The following SLC14A2 variants were observed in gnomAD, a reference collection of about 807,000 sequenced individuals.
SLC14A2 encodes the protein urea transporter 2.
Under a neutral mutation model 104.6 loss-of-function variants are expected in SLC14A2, and 91 were observed. That is an observed-to-expected ratio of 0.87 (90% CI 0.73 to 1.04). SLC14A2 has a LOEUF of 1.04. Ranked by LOEUF, SLC14A2 falls within the 50% of genes least tolerant of loss-of-function variation. The probability of loss-of-function intolerance (pLI) is 0.00; values close to 1 mark genes in which losing one functional copy is unlikely to be tolerated. For missense variants in SLC14A2, 1,189 were observed against 1,156.0 expected (o/e 1.03, Z -0.41); for synonymous variants, 476 against 466.4 (o/e 1.02, Z -0.27).
intron 1 of SLC14A2, among the ~76,000 whole-genome samples, chr18:45,391,584 C>T (rs2085966230): frequency 1.3e-5 from 2 of 152,106 alleles, no homozygotes; most frequent in South Asian, 2.1e-4. Flanking sequence ...CTCTCCAGCA[C>T]CTGTTGTTTC....
At chr18:45,591,019 T>G (rs2044639309) in intron 2 of SLC14A2, among the ~76,000 whole-genome samples, 1 of 152,072 alleles carries the variant, frequency 6.6e-6, no homozygotes. Flanking sequence ...GTCTGAACTC[T>G]CAAATTGCCA....
chr18:45,183,963 A>G, the SLC14A2 span, among the ~76,000 whole-genome samples: 1 of 107,362 alleles, frequency 9.3e-6, no homozygotes, highest in Non-Finnish European at 1.7e-5. Flanking sequence ...TATGTTGCCC[A>G]GGCTAGTCTC....
At chr18:45,603,504 C>T (rs1226620291) in intron 2 of SLC14A2, among the ~76,000 whole-genome samples, 2 of 152,104 alleles carry the variant, frequency 1.3e-5, no homozygotes, top group Middle Eastern at 3.2e-3. Flanking sequence ...TACCCAAGAC[C>T]AGAGAGTTAT....
Position 45,682,769 on chromosome 18 carries a change from G to A in SLC14A2, c.*250G>A, listed in dbSNP as rs2046330672. 1.8e-5 allele frequency: 8 copies of A among 440,070 alleles called. No individual in the cohort carries two copies. Among genetic ancestry groups the A allele is most frequent in the Non-Finnish European group, 3.4e-5 (8 of 236,600 alleles). 27.3% of individuals were successfully genotyped at this position (440,070 alleles called of 1,614,324 possible). On this transcript the variant is annotated 3_prime_UTR_variant, in exon 20 of 20. Coordinates refer to ENST00000255226, the MANE Select transcript of SLC14A2 (RefSeq NM_007163.4). Reference sequence around the variant, plus strand: ...TAAGAGCTCCCTTTGTGGGGAACTTGCCCTCTTCTGCGAAATAAGCCTCAT... The same window carrying A: ...TAAGAGCTCCCTTTGTGGGGAACTTACCCTCTTCTGCGAAATAAGCCTCAT...
At chr18:45,352,372 G>A (rs1598710601) in intron 1 of SLC14A2, among the ~76,000 whole-genome samples, 1 of 152,076 alleles carries the variant, frequency 6.6e-6, no homozygotes, top group Non-Finnish European at 1.5e-5. Flanking sequence ...AGGTAGAGAC[G>A]AATTGTTCAT....
At chr18:45,320,314 C>A (rs1327443595) in intron 1 of SLC14A2, among the ~76,000 whole-genome samples, 3 of 151,938 alleles carry the variant, frequency 2.0e-5, no homozygotes, top group East Asian at 3.9e-4. Context: ...AGCTTTGTAC[C>A]CTTTGACCCC....
At chr18:45,288,089 T>C (rs2084833224) in intron 1 of SLC14A2, among the ~76,000 whole-genome samples, 1 of 152,226 alleles carries the variant, frequency 6.6e-6, no homozygotes, top group South Asian at 2.1e-4. Context: ...GAAATATTTA[T>C]TTCATAGGGT....
chr18:45,666,783 C>T, intron 12 of SLC14A2, 152 bp from the exon 13 acceptor site: 1 of 624,116 alleles, frequency 1.6e-6, no homozygotes, highest in Non-Finnish European at 2.8e-6. Flanking sequence ...AAACAAAAGA[C>T]AGTCTAATCT....
intron 10 of SLC14A2, among the ~76,000 whole-genome samples, chr18:45,659,629 T>G: frequency 6.6e-6 from 1 of 152,200 alleles, no homozygotes; most frequent in East Asian, 1.9e-4. Flanking sequence ...TTTATCCAAG[T>G]AACACTAGAA....
intron 1 of SLC14A2, among the ~76,000 whole-genome samples, chr18:45,304,702 G>A (rs760010325): frequency 3.9e-5 from 6 of 152,164 alleles, no homozygotes; most frequent in Non-Finnish European, 7.4e-5. Context: ...ACAAGACTCT[G>A]AGTGCTGAGG....
chr18:45,657,488 GAA>G (rs76314316), intron 10 of SLC14A2, among the ~76,000 whole-genome samples: 3 of 82,778 alleles, frequency 3.6e-5, no homozygotes, highest in Admixed American at 1.5e-4. Flanking sequence ...CTGTGTCAAG[GAA>G]AAAAAAAAAA....
intron 1 of SLC14A2, among the ~76,000 whole-genome samples, chr18:45,386,852 ATGT>A (rs1208853423): frequency 6.6e-6 from 1 of 152,224 alleles, no homozygotes; most frequent in Admixed American, 6.5e-5. Context: ...TGTGAAGATG[ATGT>A]TGATGATTTG....
rs987280370 is a variant in SLC14A2 at position 45,261,654 on chromosome 18, C to T, written c.-125+48463C>T. On this transcript the variant is annotated intron_variant, in intron 1 of 20. Transcript: ENST00000586448. ...ATTCCCACCTATAAGTGAGAACATG[C>T]GGTGTTTGGTTTTTTGTCCTTGTGG... Among the ~76,000 whole-genome samples the T allele has an allele frequency of 2.1e-4, 32 of 151,874 alleles. 1 individual carries two copies. Among genetic ancestry groups the T allele is most frequent in the Admixed American group, 8.5e-4 (13 of 15,248 alleles).
At chr18:45,364,572 A>G (rs1022028493) in intron 1 of SLC14A2, among the ~76,000 whole-genome samples, 3 of 152,248 alleles carry the variant, frequency 2.0e-5, no homozygotes, top group Non-Finnish European at 4.4e-5. Context: ...AAATGTATAT[A>G]TGAAATAGGA....
chr18:45,665,958 T>C (rs1399781841), intron 11 of SLC14A2, among the ~76,000 whole-genome samples, 179 bp from the exon 12 acceptor site: 1 of 152,084 alleles, frequency 6.6e-6, no homozygotes, highest in Non-Finnish European at 1.5e-5. Context: ...GATGGATCCA[T>C]GACCAGTAAA....
intron 16 of SLC14A2, among the ~76,000 whole-genome samples, chr18:45,670,438 C>T (rs771780727): frequency 7.9e-5 from 12 of 152,276 alleles, no homozygotes; most frequent in South Asian, 6.2e-4. Flanking sequence ...TTCCGTTACA[C>T]GAAACGGCTC....
Position 45,637,062 on chromosome 18 carries a change from C to T in SLC14A2, c.723C>T (p.Asn241=). The change falls in exon 6 of 20, where the codon AAC becomes AAT. Residue 241 remains asparagine (N), a synonymous_variant. Coordinates refer to ENST00000255226, the MANE Select transcript of SLC14A2 (RefSeq NM_007163.4). ...WDLPVFTLPF[N]IAVTLYLAAT... is the part of the protein sequence containing the mutation. ...TCCCGGTCTTCACTCTGCCCTTCAA[C>T]ATTGCAGTCACCTTGTACCTTGCAG... The T allele has an allele frequency of 1.2e-6, 2 of 1,614,164 alleles. No homozygotes were observed. Among genetic ancestry groups the T allele is most frequent in the African/African-American group, 1.3e-5 (1 of 75,050 alleles).
At chr18:45,668,267 A>C (rs2046065337) in intron 14 of SLC14A2, 82 bp from the exon 15 acceptor site, 2 of 1,562,000 alleles carry the variant, frequency 1.3e-6, no homozygotes, top group Non-Finnish European at 1.7e-6. Flanking sequence ...CAGGCCCCAG[A>C]TAAAAAGAAT....
intron 2 of SLC14A2, among the ~76,000 whole-genome samples, chr18:45,580,320 T>A (rs1435636762): frequency 6.6e-6 from 1 of 152,214 alleles, no homozygotes; most frequent in South Asian, 2.1e-4. Flanking sequence ...GTGGTCATCG[T>A]CAGCAGATCT....
Sources: gnomAD v4.1 joint callset for allele counts (sites outside exome capture counted in the v4.1 genomes callset) on GRCh38, gnomAD v4.1.1 for gene constraint, MANE v1.5 for transcripts, NCBI Gene and HGNC (gene_info 2026-07-23, HGNC 2026-07-21) for gene names.